Variants in SCAF4 observed in about 807,000 individuals in gnomAD.
SCAF4 encodes the protein SR-related and CTD-associated factor 4.
In SCAF4, 25 loss-of-function variants were observed where a neutral mutation model predicts 129.8. The ratio of observed to expected loss-of-function variants is 0.19; its 90% confidence interval spans 0.14 to 0.27. SCAF4 has a LOEUF of 0.27. Ranked by LOEUF, SCAF4 falls within the 10% of genes least tolerant of loss-of-function variation. The probability of loss-of-function intolerance (pLI) is 1.00; values close to 1 mark genes in which losing one functional copy is unlikely to be tolerated. For missense variants in SCAF4, 1,246 were observed against 1,457.1 expected (o/e 0.86, Z 2.36); for synonymous variants, 551 against 497.7 (o/e 1.11, Z -1.43).
chr21:31,721,825 C>T (rs1331946239), intron 1 of SCAF4, among the ~76,000 whole-genome samples: 1 of 149,524 alleles, frequency 6.7e-6, no homozygotes, highest in Non-Finnish European at 1.5e-5. Flanking sequence ...CTCCCAGGTT[C>T]AAGTGATTCT....
At chr21:31,730,024 A>G (rs1474725504) in intron 1 of SCAF4, among the ~76,000 whole-genome samples, 5 of 152,276 alleles carry the variant, frequency 3.3e-5, no homozygotes, top group Non-Finnish European at 7.3e-5. Flanking sequence ...ATTCTGAAAT[A>G]AATTTTTAAA....
rs919270078 is a variant in SCAF4 at position 31,685,675 on chromosome 21, G to A, written c.2102C>T (p.Thr701Met). The A allele has an allele frequency of 6.2e-7, 1 of 1,613,272 alleles. No individual in the cohort carries two copies. Among genetic ancestry groups the A allele is most frequent in the Admixed American group, 1.7e-5 (1 of 59,948 alleles). Residue 701 changes from threonine (T) to methionine (M), a missense_variant, in exon 17 of 20, where the codon ACG becomes ATG. Coordinates refer to ENST00000286835, the MANE Select transcript of SCAF4 (RefSeq NM_020706.2). ...VVGALQPPAF[T>M]PPLGIPPPGF... ...TGGAGGCGGTATTCCCAGAGGAGGC[G>A]TGAAAGCAGGCGGCTGGAGAGCACC...
At chr21:31,696,486 T>C (rs1399795878) in intron 8 of SCAF4, 83 bp downstream of exon 8, 2 of 1,257,816 alleles carry the variant, frequency 1.6e-6, no homozygotes, top group African/African-American at 1.5e-5. Context: ...AGAACATTGT[T>C]GTCATTGCTA....
intron 2 of SCAF4, among the ~76,000 whole-genome samples, chr21:31,705,763 G>C (rs766254664): frequency 2.6e-5 from 4 of 152,118 alleles, no homozygotes; most frequent in Non-Finnish European, 4.4e-5. Flanking sequence ...ATGGATTAGA[G>C]CTAAACAATG....
chr21:31,672,846 C>T (rs1284653575), intron 19 of SCAF4, among the ~76,000 whole-genome samples: 2 of 152,244 alleles, frequency 1.3e-5, no homozygotes, highest in Non-Finnish European at 2.9e-5. Context: ...AGGAAGATCT[C>T]TTTGACTCCA....
chr21:31,717,898 CATAT>C (rs757728318), intron 1 of SCAF4, among the ~76,000 whole-genome samples: 1,271 of 102,688 alleles, frequency 0.012, 13 homozygotes, highest in African/African-American at 0.025. Context: ...CATATATACA[CATAT>C]ATACACACAC....
At chr21:31,707,925 T>C (rs1043673194) in intron 1 of SCAF4, among the ~76,000 whole-genome samples, 10 of 152,206 alleles carry the variant, frequency 6.6e-5, no homozygotes, top group African/African-American at 1.2e-4. Flanking sequence ...AATTTTTCCA[T>C]AAGATACAGA....
At chr21:31,673,390 G>T (rs1373811242) in intron 19 of SCAF4, among the ~76,000 whole-genome samples, 1 of 138,008 alleles carries the variant, frequency 7.2e-6, no homozygotes, top group Non-Finnish European at 1.6e-5. Context: ...GCTGCAGAAA[G>T]GTCTTTGAGC....
rs1468892288 is a variant in SCAF4, at chr21:31,701,105, C to A, written c.667G>T (p.Val223Leu). 1 of 1,613,810 alleles carries A rather than the reference C, an allele frequency of 6.2e-7. No homozygotes were observed. Among genetic ancestry groups the A allele is most frequent in the East Asian group, 2.2e-5 (1 of 44,862 alleles). ...KPQSPALDNAVMAQVQAITAQ... is the reference protein window; with the variant it reads ...KPQSPALDNALMAQVQAITAQ... ...GTGATAGCCTGAACCTGAGCCATCA[C>A]AGCATTGTCAAGGGCAGGAGACTGT... The change falls in exon 7 of 20, where the codon GTG (valine) becomes TTG (leucine). Residue 223 changes from valine (V) to leucine (L), a missense_variant. Val to Leu is a conservative substitution (Grantham distance 32). Coordinates refer to ENST00000286835, the MANE Select transcript of SCAF4 (RefSeq NM_020706.2).
Position 31,692,427 on chromosome 21 carries a change from C to T in SCAF4, c.1536G>A (p.Val512=). 1 of 1,613,836 alleles carries T rather than the reference C, an allele frequency of 6.2e-7. No individual in the cohort carries two copies. Among genetic ancestry groups the T allele is most frequent in the South Asian group, 1.1e-5 (1 of 91,080 alleles). Residue 512 remains valine (V), a synonymous_variant, in exon 13 of 20, where the codon GTG becomes GTA. Coordinates refer to ENST00000286835, the MANE Select transcript of SCAF4 (RefSeq NM_020706.2). ...TASVCSTTLW[V]GQLDKRTTQQ... is the part of the protein sequence containing the mutation. ...GAGTAGTTCTTTTGTCCAGCTGCCC[C>T]ACCCAGAGGGTAGTACTGCAAACTT...
intron 1 of SCAF4, among the ~76,000 whole-genome samples, chr21:31,723,524 G>T (rs1336517094): frequency 6.6e-6 from 1 of 151,952 alleles, no homozygotes; most frequent in Non-Finnish European, 1.5e-5. Flanking sequence ...ATTCATTATT[G>T]TGACATATCA....
chr21:31,715,055 A>G (rs2050892448), intron 1 of SCAF4, among the ~76,000 whole-genome samples: 1 of 152,210 alleles, frequency 6.6e-6, no homozygotes, highest in Non-Finnish European at 1.5e-5. Context: ...AAATTACCAC[A>G]AATTTACTGG....
chr21:31,671,535 A>C lies in SCAF4; in HGVS notation c.3308T>G (p.Val1103Gly), dbSNP rs1439846572. The change falls in exon 20 of 20, where the codon GTA becomes GGA. Residue 1103 changes from valine to glycine, a missense_variant. By Grantham distance (109) the Val-to-Gly change is moderately radical. Coordinates refer to ENST00000286835, the MANE Select transcript of SCAF4 (RefSeq NM_020706.2). ...VEPPISQVGN[V>G]DTASELEKGV... ...CTTCTCAAGTTCTGAAGCAGTGTCT[A>C]CATTTCCCACTTGGCTAATGGGAGG... The C allele has an allele frequency of 6.2e-7, 1 of 1,614,040 alleles. No homozygotes were observed. The highest frequency in any genetic ancestry group is 8.5e-7 in the Non-Finnish European group (1 of 1,180,014).
At chr21:31,691,540 A>G (rs968781361) in intron 14 of SCAF4, among the ~76,000 whole-genome samples, 1 of 152,198 alleles carries the variant, frequency 6.6e-6, no homozygotes, top group Non-Finnish European at 1.5e-5. Flanking sequence ...AAAAGACATT[A>G]TATTTAAAGC....
At chr21:31,709,350 CAAA>C (rs376581889) in intron 1 of SCAF4, among the ~76,000 whole-genome samples, 1 of 117,808 alleles carries the variant, frequency 8.5e-6, no homozygotes. Flanking sequence ...CTGAAACTGT[CAAA>C]AAAAAAAAAA....
intron 1 of SCAF4, among the ~76,000 whole-genome samples, chr21:31,713,416 C>T (rs567978253): frequency 1.7e-3 from 253 of 152,276 alleles, no homozygotes; most frequent in Non-Finnish European, 2.8e-3. Context: ...ACAAACAATA[C>T]ATACAAAAGC....
chr21:31,711,884 G>A (rs1055070070), intron 1 of SCAF4, among the ~76,000 whole-genome samples: 4 of 152,006 alleles, frequency 2.6e-5, no homozygotes, highest in Admixed American at 2.0e-4. Context: ...AGTTAGAGGC[G>A]ATATAAATTA....
At chr21:31,698,890 A>G (rs1305513252) in intron 7 of SCAF4, among the ~76,000 whole-genome samples, 22 of 152,234 alleles carry the variant, frequency 1.4e-4, no homozygotes, top group Admixed American at 1.4e-3. Flanking sequence ...CCAGTTTCTT[A>G]AGATAAATCT....
chr21:31,688,114 C>CAAAAAAAAAAAAAAAAAAAAA (rs61592268), intron 16 of SCAF4, among the ~76,000 whole-genome samples, 193 bp downstream of exon 16: 1 of 10,908 alleles, frequency 9.2e-5, no homozygotes, highest in African/African-American at 3.1e-4. Context: ...GACTCTGTCT[C>CAAAAAAAAAAAAAAAAAAAAA]AAAAAAAAAA....
Sources: allele counts gnomAD v4.1 joint callset (sites outside exome capture counted in the v4.1 genomes callset), GRCh38; gene constraint gnomAD v4.1.1; transcripts MANE v1.5; gene names NCBI Gene and HGNC (gene_info 2026-07-23, HGNC 2026-07-21).